Variants in EFCAB13 observed in about 807,000 individuals in gnomAD.
EFCAB13 encodes EF-hand calcium binding domain 13.
Under a neutral mutation model 110.2 loss-of-function variants are expected in EFCAB13, and 91 were observed. The ratio of observed to expected loss-of-function variants is 0.83; its 90% confidence interval spans 0.70 to 0.98. The LOEUF is 0.98. EFCAB13 is among the 50% of genes least tolerant of loss of function. The pLI is 0.00. For synonymous variants in EFCAB13, 323 were observed against 369.9 expected (o/e 0.87, Z 1.45); for missense variants, 968 against 1,119.4 (o/e 0.86, Z 1.93).
intron 8 of EFCAB13, 24 bp from the exon 9 acceptor site, chr17:47,347,784 A>G (rs2065426086): frequency 7.3e-7 from 1 of 1,370,734 alleles, no homozygotes; most frequent in African/African-American, 1.5e-5. Context: ...TTAACTAACT[A>G]AATGTTTTGT....
chr17:47,335,255 AT>A lies in EFCAB13; in HGVS notation c.91del (p.Ser31GlnfsTer16). 1 of 1,611,668 alleles carries A rather than the reference AT, an allele frequency of 6.2e-7. No homozygotes were observed. Among genetic ancestry groups the A allele is most frequent in the Non-Finnish European group, 8.5e-7 (1 of 1,179,344 alleles). The part of the protein sequence containing the change: ...GSNSFATDLS[S>X]GTINHKKYIK... ...CTAATTCTTTTGCAACTGACTTGTC[AT>A]CAGGAACTATTAACCACAAGAAATA... On this transcript the variant is annotated frameshift_variant, in exon 5 of 25. Transcript: ENST00000331493. LOFTEE classifies it high-confidence loss of function.
chr17:47,326,524 A>C (rs552059426), intron 3 of EFCAB13, 137 bp downstream of exon 3: 74 of 152,302 alleles, frequency 4.9e-4, no homozygotes, highest in African/African-American at 1.7e-3. Context: ...ACTGTGAGAA[A>C]TAATTTTAAG....
In EFCAB13 at chr17:47,374,885, C is replaced by T; in HGVS notation, c.1291C>T (p.Leu431Phe). 1 of 1,609,864 alleles carries T rather than the reference C, an allele frequency of 6.2e-7. No individual in the cohort carries two copies. The highest frequency in any genetic ancestry group is 8.5e-7 in the Non-Finnish European group (1 of 1,178,968). Reference protein sequence around the residue: ...DKSDISSIPKLQKPAVRKHSS... With the variant: ...DKSDISSIPKFQKPAVRKHSS... ...AAGTGATATTTCTAGTATCCCAAAA[C>T]TTCAGAAGCCAGCTGTAAGAAAGCA... is the stretch of plus-strand genomic sequence containing the variant. The change falls in exon 12 of 25, where the codon CTT (leucine) becomes TTT (phenylalanine). Residue 431 changes from leucine (L) to phenylalanine (F), a missense_variant. Coordinates refer to ENST00000331493, the MANE Select transcript of EFCAB13 (RefSeq NM_152347.5).
At chr17:47,356,762 G>A (rs2065482820) in intron 9 of EFCAB13, among the ~76,000 whole-genome samples, 1 of 152,208 alleles carries the variant, frequency 6.6e-6, no homozygotes, top group African/African-American at 2.4e-5. Flanking sequence ...GCTTGCCCTA[G>A]GGTCAGGTGG....
At position 47,370,443 on chromosome 17, in the gene EFCAB13, A is replaced by G. The variant is rs2065575265; in HGVS notation, c.812A>G (p.His271Arg). 6.3e-7 allele frequency: 1 copy of G among 1,593,414 alleles called. No individual in the cohort carries two copies. Among genetic ancestry groups the G allele is most frequent in the East Asian group, 2.2e-5 (1 of 44,580 alleles). The change falls in exon 11 of 25, where the codon CAC (histidine) becomes CGC (arginine). Residue 271 changes from histidine (H) to arginine (R), a missense_variant. Coordinates refer to ENST00000331493, the MANE Select transcript of EFCAB13 (RefSeq NM_152347.5). ...TGAACTTATTCTATTACAGGTAACC[A>G]CATGGTGGATATTGGGGATATTATA... Reference protein sequence around the residue: ...VTKHTYIDSNHMVDIGDIIFT... With the variant: ...VTKHTYIDSNRMVDIGDIIFT...
intron 17 of EFCAB13, 40 bp from the exon 18 acceptor site, chr17:47,402,092 C>A (rs376438902): frequency 1.9e-6 from 3 of 1,544,546 alleles, no homozygotes; most frequent in Non-Finnish European, 2.7e-6. Context: ...CTGACTTTTG[C>A]GTAATGAGGT....
At chr17:47,342,113 C>A in intron 6 of EFCAB13, 81 bp downstream of exon 6, 1 of 763,888 alleles carries the variant, frequency 1.3e-6, no homozygotes, top group Non-Finnish European at 2.1e-6. Flanking sequence ...TTTTTTAGTC[C>A]AAGTGTTGAA....
chr17:47,434,802 T>C (rs775091356), intron 24 of EFCAB13, among the ~76,000 whole-genome samples: 18 of 152,112 alleles, frequency 1.2e-4, no homozygotes, highest in Non-Finnish European at 2.6e-4. Flanking sequence ...GGACATCCTA[T>C]TCAACAAATG....
At chr17:47,412,691 A>G (rs2065842113) in intron 21 of EFCAB13, 82 bp from the exon 22 acceptor site, 1 of 1,291,720 alleles carries the variant, frequency 7.7e-7, no homozygotes, top group South Asian at 1.7e-5. Flanking sequence ...ATTTAATTTG[A>G]GGTTTACCTA....
intron 5 of EFCAB13, among the ~76,000 whole-genome samples, chr17:47,339,054 A>T (rs990816240): frequency 6.6e-6 from 1 of 152,134 alleles, no homozygotes; most frequent in Non-Finnish European, 1.5e-5. Flanking sequence ...AAAGAAAGGG[A>T]GTGGCATGAA....
intron 11 of EFCAB13, among the ~76,000 whole-genome samples, chr17:47,372,892 G>T (rs1368886699): frequency 6.6e-6 from 1 of 151,928 alleles, no homozygotes; most frequent in Non-Finnish European, 1.5e-5. Context: ...AATATGTCTT[G>T]GTGTAGTCTT....
chr17:47,386,916 C>T (rs563818144), intron 14 of EFCAB13, among the ~76,000 whole-genome samples: 5 of 141,740 alleles, frequency 3.5e-5, no homozygotes, highest in African/African-American at 1.3e-4. Context: ...CCTTGCACTT[C>T]GTGGGTGAGG....
chr17:47,372,815 A>G (rs917063984), intron 11 of EFCAB13, among the ~76,000 whole-genome samples: 13 of 152,026 alleles, frequency 8.6e-5, no homozygotes, highest in Non-Finnish European at 1.2e-4. Context: ...ATTGGAACGT[A>G]TATGTTATTT....
At position 47,440,983 on chromosome 17, in the gene EFCAB13, T is replaced by A; in HGVS notation, c.*269T>A. 4.0e-6 allele frequency: 1 copy of A among 250,704 alleles called. No homozygotes were observed. The highest frequency in any genetic ancestry group is 7.6e-6 in the Non-Finnish European group (1 of 131,324). 15.5% of individuals were successfully genotyped at this position (250,704 alleles called of 1,614,324 possible). On this transcript the variant is annotated 3_prime_UTR_variant, in exon 25 of 25. Coordinates refer to ENST00000331493, the MANE Select transcript of EFCAB13 (RefSeq NM_152347.5). ...CTTTGGATTCTTAAAAATAATGTAATGTAACCCTTACTATACACAACATAT... is the reference window on the plus strand; with the variant it reads ...CTTTGGATTCTTAAAAATAATGTAAAGTAACCCTTACTATACACAACATAT...
chr17:47,347,800 G>T lies in EFCAB13; in HGVS notation c.518-8G>T, dbSNP rs755332890. ...TAACTAACTAAATGTTTTGTTATGT[G>T]TGTGCAGCACTTCATAAAGCCTGTA... On this transcript the variant is annotated splice_region_variant and splice_polypyrimidine_tract_variant and intron_variant, in intron 8 of 24. Coordinates refer to ENST00000331493, the MANE Select transcript of EFCAB13 (RefSeq NM_152347.5). 21 of 1,442,194 alleles carry T rather than the reference G, an allele frequency of 1.5e-5. 1 individual carries two copies. The South Asian group carries it at 3.4e-4, about 24-fold the overall frequency. 89.3% of individuals were successfully genotyped at this position (1,442,194 alleles called of 1,614,324 possible). A position where few individuals can be genotyped will look rare whatever the true frequency, so the allele number is the denominator to read the frequency against.
chr17:47,328,230 A>T, intron 3 of EFCAB13, 39 bp from the exon 4 acceptor site: 2 of 871,962 alleles, frequency 2.3e-6, no homozygotes, highest in Non-Finnish European at 3.9e-6. Flanking sequence ...TAAGTGTTCT[A>T]AACAAGCGTA....
At position 47,328,291 on chromosome 17, in the gene EFCAB13, C is replaced by G. The variant is rs985386494; in HGVS notation, c.-63C>G. ...CAGGAAATCCTTTTGTACTATTGCTCATTCATACTTGTTCATCAAAGCCTG... is the reference window on the plus strand; with the variant it reads ...CAGGAAATCCTTTTGTACTATTGCTGATTCATACTTGTTCATCAAAGCCTG... On this transcript the variant is annotated 5_prime_UTR_variant, in exon 4 of 25. Transcript: ENST00000331493. 1 of 1,360,658 alleles carries G rather than the reference C, an allele frequency of 7.3e-7. No individual in the cohort carries two copies. Among genetic ancestry groups the G allele is most frequent in the Non-Finnish European group, 1.1e-6 (1 of 951,652 alleles). 84.3% of individuals were successfully genotyped at this position (1,360,658 alleles called of 1,614,324 possible).
intron 21 of EFCAB13, among the ~76,000 whole-genome samples, chr17:47,410,325 T>G (rs1010788260): frequency 6.6e-6 from 1 of 152,168 alleles, no homozygotes; most frequent in African/African-American, 2.4e-5. Context: ...ATCACTGACA[T>G]TAATCTATTC....
At chr17:47,423,009 A>ACT (rs1302276510) in intron 23 of EFCAB13, among the ~76,000 whole-genome samples, 1 of 152,236 alleles carries the variant, frequency 6.6e-6, no homozygotes, top group Non-Finnish European at 1.5e-5. Flanking sequence ...CAAAGGTACC[A>ACT]CTGCAATGGA....
Sources: allele counts gnomAD v4.1 joint callset (sites outside exome capture counted in the v4.1 genomes callset), GRCh38; gene constraint gnomAD v4.1.1; transcripts MANE v1.5; gene names NCBI Gene and HGNC (gene_info 2026-07-23, HGNC 2026-07-21).